LGALS8: variants seen among roughly 807,000 people sequenced by gnomAD.
LGALS8 encodes the protein galectin 8.
LGALS8 carries 30 observed loss-of-function variants against 35.9 expected under a neutral mutation model. The ratio of observed to expected loss-of-function variants is 0.83; its 90% CI spans 0.62 to 1.13. The LOEUF is 1.13. Ranked by LOEUF, LGALS8 falls within the 50% of genes most tolerant of loss-of-function variation. The pLI is 0.00. For synonymous variants in LGALS8, 138 were observed against 136.1 expected (o/e 1.01, Z -0.10); for missense variants, 366 against 388.7 (o/e 0.94, Z 0.49).
At position 236,548,298 on chromosome 1, in the gene LGALS8, G is replaced by A. The variant is rs1572024008; in HGVS notation, c.*137G>A. On this transcript the variant is annotated 3_prime_UTR_variant, in exon 10 of 10. Coordinates refer to ENST00000366584, the MANE Select transcript of LGALS8 (RefSeq NM_201544.4). ...TGTGCACCATTAGGTCCTGCTGGGT[G>A]TTCTCAGTCCTTGCCATGAAGTATG... 2.5e-6 allele frequency: 2 copies of A among 791,602 alleles called. No homozygotes were observed. The highest frequency in any genetic ancestry group is 2.6e-5 in the Admixed American group (1 of 37,888). The allele number at this position is 791,602 out of a possible 1,614,324, so 49.0% of individuals were successfully genotyped here.
At chr1:236,545,203 A>T (rs536720765) in intron 9 of LGALS8, 82 of 232,934 alleles carry the variant, frequency 3.5e-4, no homozygotes, top group African/African-American at 1.8e-3. Flanking sequence ...TTGTCTCAGG[A>T]CTGGAGTCAC....
chr1:236,540,532 C>T lies in LGALS8; in HGVS notation c.346-32C>T, dbSNP rs757871138. ...TTTATTAACTGTTTTTTTTTGGTGG[C>T]GGGGGGGGCTCTGTCTTCTGTATCT... On this transcript the variant is annotated intron_variant, in intron 4 of 9. Transcript: ENST00000366584. 77 of 1,488,846 alleles carry T rather than the reference C, an allele frequency of 5.2e-5. No individual in the cohort carries two copies. In the African/African-American group the frequency reaches 8.3e-4, roughly 16 times the overall value. 92.2% of individuals were successfully genotyped at this position (1,488,846 alleles called of 1,614,324 possible).
rs1315051261 is a variant in LGALS8 at position 236,537,604 on chromosome 1, A to C, written c.134+19A>C. On this transcript the variant is annotated intron_variant, in intron 3 of 9. Transcript: ENST00000366584. ...CAGACAGGTAAAATCACTGTGCTAAAGGAAGGAGCATGAATAGGCTGTCTT... is the reference window on the plus strand; with the variant it reads ...CAGACAGGTAAAATCACTGTGCTAACGGAAGGAGCATGAATAGGCTGTCTT... The C allele has an allele frequency of 6.6e-7, 1 of 1,517,380 alleles. No individual in the cohort carries two copies. The highest frequency in any genetic ancestry group is 9.2e-7 in the Non-Finnish European group (1 of 1,090,556). The allele number at this position is 1,517,380 out of a possible 1,614,324, so 94.0% of individuals were successfully genotyped here. A position where few individuals can be genotyped will look rare whatever the true frequency, so the allele number is the denominator to read the frequency against.
chr1:236,539,881 A>G (rs1661851652), intron 4 of LGALS8, among the ~76,000 whole-genome samples: 1 of 152,154 alleles, frequency 6.6e-6, no homozygotes, highest in Non-Finnish European at 1.5e-5. Context: ...TGCCTCCACA[A>G]TGGGATTTTA....
upstream of LGALS8, chr1:236,523,944 G>C (rs1047595374): frequency 5.4e-6 from 2 of 369,866 alleles, no homozygotes; most frequent in Non-Finnish European, 1.1e-5. Context: ...AAGTGAACGA[G>C]GACTGACTCC....
intron 2 of LGALS8, among the ~76,000 whole-genome samples, chr1:236,535,944 C>T (rs774751640): frequency 2.0e-5 from 3 of 152,220 alleles, no homozygotes; most frequent in Non-Finnish European, 4.4e-5. Context: ...CATGCAGTTA[C>T]CGATCGTCTC....
Position 236,550,700 on chromosome 1 carries a change from G to C in LGALS8, c.*2539G>C, listed in dbSNP as rs1662688779. The C allele has an allele frequency of 2.1e-6, 1 of 478,270 alleles. No homozygotes were observed. The highest frequency in any genetic ancestry group is 3.8e-5 in the Admixed American group (1 of 26,330). The allele number at this position is 478,270 out of a possible 1,614,324, so 29.6% of individuals were successfully genotyped here. Reference sequence around the variant, plus strand: ...ATACCGTGTATCATTTACTCTTTCTGCAGCTCTATACGATAGGCAGGAGAG... The same window carrying C: ...ATACCGTGTATCATTTACTCTTTCTCCAGCTCTATACGATAGGCAGGAGAG... On this transcript the variant is annotated 3_prime_UTR_variant, in exon 10 of 10. Coordinates refer to ENST00000366584, the MANE Select transcript of LGALS8 (RefSeq NM_201544.4).
At chr1:236,537,028 T>TTG (rs1279058775) in intron 2 of LGALS8, among the ~76,000 whole-genome samples, 3 of 142,858 alleles carry the variant, frequency 2.1e-5, no homozygotes, top group Non-Finnish European at 3.1e-5. Flanking sequence ...TTCCTTTTTT[T>TTG]TTTTTTGAGA....
chr1:236,527,001 T>C (rs1013550132), intron 2 of LGALS8, among the ~76,000 whole-genome samples: 1 of 152,170 alleles, frequency 6.6e-6, no homozygotes, highest in African/African-American at 2.4e-5. Flanking sequence ...CTTTCAGTGG[T>C]AGTAAGTTTA....
chr1:236,542,898 G>A (rs774556339), intron 7 of LGALS8, 111 bp downstream of exon 7: 2 of 1,614,034 alleles, frequency 1.2e-6, no homozygotes, highest in Non-Finnish European at 1.7e-6. Context: ...CCTTACTGTA[G>A]AACTGTTTCC....
chr1:236,549,233 T>C lies in LGALS8; in HGVS notation c.*1072T>C, dbSNP rs1662598176. On this transcript the variant is annotated 3_prime_UTR_variant, in exon 10 of 10. Coordinates refer to ENST00000366584, the MANE Select transcript of LGALS8 (RefSeq NM_201544.4). ...CTGAGATCAAAGCACTCTTCCACTTTACGTGATTAAAATCAAACCTGTATC... is the reference window on the plus strand; with the variant it reads ...CTGAGATCAAAGCACTCTTCCACTTCACGTGATTAAAATCAAACCTGTATC... 3 of 366,388 alleles carry C rather than the reference T, an allele frequency of 8.2e-6. No homozygotes were observed. In the East Asian group the frequency reaches 1.2e-4, roughly 14 times the overall value. The allele number at this position is 366,388 out of a possible 1,614,324, so 22.7% of individuals were successfully genotyped here.
In LGALS8 at chr1:236,549,708, A is replaced by C. The variant is rs1662628519; in HGVS notation, c.*1547A>C. ...TCCCCCAGAGTTATTTTTCTCCATA[A>C]AGACCATCAGAGTGCTTAACTGAGC... On this transcript the variant is annotated 3_prime_UTR_variant, in exon 10 of 10. Coordinates refer to ENST00000366584, the MANE Select transcript of LGALS8 (RefSeq NM_201544.4). The C allele has an allele frequency of 6.6e-6, 1 of 152,170 alleles. No individual in the cohort carries two copies. The highest frequency in any genetic ancestry group is 1.5e-5 in the Non-Finnish European group (1 of 68,036). 9.4% of individuals were successfully genotyped at this position (152,170 alleles called of 1,614,324 possible). A position where few individuals can be genotyped will look rare whatever the true frequency, so the allele number is the denominator to read the frequency against.
chr1:236,522,479 G>A (rs574527052), upstream of LGALS8, among the ~76,000 whole-genome samples: 3 of 152,086 alleles, frequency 2.0e-5, no homozygotes, highest in Admixed American at 6.6e-5. Flanking sequence ...AGTGGTGTGC[G>A]TCTATAGTCC....
At chr1:236,525,252 C>T (rs571209387) in intron 1 of LGALS8, among the ~76,000 whole-genome samples, 14 of 152,208 alleles carry the variant, frequency 9.2e-5, no homozygotes, top group South Asian at 8.3e-4. Context: ...GCTAACATAG[C>T]GCTTACTCTT....
At chr1:236,537,088 C>T (rs769251831) in intron 2 of LGALS8, among the ~76,000 whole-genome samples, 4 of 145,636 alleles carry the variant, frequency 2.7e-5, no homozygotes, top group Non-Finnish European at 5.9e-5. Flanking sequence ...GCGATCTCGG[C>T]TCACTGCAAG....
chr1:236,526,234 C>A lies in LGALS8; in HGVS notation c.45+119C>A. The A allele has an allele frequency of 1.4e-6, 1 of 699,312 alleles. No individual in the cohort carries two copies. Among genetic ancestry groups the A allele is most frequent in the South Asian group, 1.8e-5 (1 of 55,466 alleles). 43.3% of individuals were successfully genotyped at this position (699,312 alleles called of 1,614,324 possible). On this transcript the variant is annotated intron_variant, in intron 2 of 9. Coordinates refer to ENST00000366584, the MANE Select transcript of LGALS8 (RefSeq NM_201544.4). This position sits in a 1 kb window ranked among gnomAD's most constrained non-coding sequence, Gnocchi z 4.6. ...CCAGTGAACATATTTAAAGCACCTA[C>A]TATGTAATAGAGATGGTGGTGGGTG... is the stretch of plus-strand genomic sequence containing the variant.
chr1:236,551,055 AGTTT>A lies in LGALS8; in HGVS notation c.*2895_*2898del. The A allele has an allele frequency of 7.9e-7, 1 of 1,263,364 alleles. No homozygotes were observed. The highest frequency in any genetic ancestry group is 1.4e-5 in the South Asian group (1 of 72,732). 78.3% of individuals were successfully genotyped at this position (1,263,364 alleles called of 1,614,324 possible). A position where few individuals can be genotyped will look rare whatever the true frequency, so the allele number is the denominator to read the frequency against. ...CAGTCCGCCTGCCTCGGTTCTCATT[AGTTT>A]AATTCTTAATGCCTTGCACTTTCCG... On this transcript the variant is annotated 3_prime_UTR_variant, in exon 10 of 10. Coordinates refer to ENST00000366584, the MANE Select transcript of LGALS8 (RefSeq NM_201544.4).
chr1:236,524,526 T>C (rs1042393747), intron 1 of LGALS8: 1 of 429,120 alleles, frequency 2.3e-6, no homozygotes, highest in Non-Finnish European at 4.8e-6. Flanking sequence ...ACACGCTCTT[T>C]AGGATGCCGA....
At position 236,551,879 on chromosome 1, in the gene LGALS8, G is replaced by A; in HGVS notation, c.*3718G>A. 1.4e-6 allele frequency: 1 copy of A among 693,482 alleles called. No individual in the cohort carries two copies. Among genetic ancestry groups the A allele is most frequent in the Non-Finnish European group, 2.5e-6 (1 of 395,640 alleles). 43.0% of individuals were successfully genotyped at this position (693,482 alleles called of 1,614,324 possible). On this transcript the variant is annotated 3_prime_UTR_variant, in exon 10 of 10. Transcript: ENST00000366584. ...TTGAGACTGGAGCTGCCTGTATGAG[G>A]ACTGGATCAACTGCTAGTCACGTTA...
Sources: allele counts gnomAD v4.1 joint callset (sites outside exome capture counted in the v4.1 genomes callset), GRCh38; gene constraint gnomAD v4.1.1; non-coding constraint Gnocchi (gnomAD v3.1); transcripts MANE v1.5; gene names NCBI Gene and HGNC (gene_info 2026-07-23, HGNC 2026-07-21).